Variants in CACNA1D observed in about 807,000 individuals in gnomAD.
CACNA1D encodes the protein calcium voltage-gated channel subunit alpha1 D.
Under a neutral mutation model 257.1 loss-of-function variants are expected in CACNA1D, and 55 were observed. The ratio of observed to expected loss-of-function variants is 0.21; its 90% CI spans 0.17 to 0.27. The LOEUF is 0.27. CACNA1D is among the 10% of genes least tolerant of loss of function. The probability of loss-of-function intolerance (pLI) is 1.00; values close to 1 mark genes in which losing one functional copy is unlikely to be tolerated. For missense variants in CACNA1D, 1,876 were observed against 2,784.0 expected, an observed-to-expected ratio of 0.67 and a Z score of 7.34; for synonymous variants, 980 against 1,014.9, an observed-to-expected ratio of 0.97 and a Z score of 0.65.
chr3:53,614,807 A>G (rs1576095531), intron 3 of CACNA1D, among the ~76,000 whole-genome samples: 1 of 152,174 alleles, frequency 6.6e-6, no homozygotes, highest in South Asian at 2.1e-4. Context: ...ACAAGTGAAG[A>G]AGTTATCACC....
chr3:53,699,707 T>A (rs542347043), intron 8 of CACNA1D, among the ~76,000 whole-genome samples: 2 of 152,364 alleles, frequency 1.3e-5, no homozygotes, highest in Non-Finnish European at 2.9e-5. Context: ...CTGCTAAATA[T>A]TCAGCCATTC....
At chr3:53,545,946 G>A (rs138740538) in intron 3 of CACNA1D, among the ~76,000 whole-genome samples, 85 of 152,294 alleles carry the variant, frequency 5.6e-4, no homozygotes, top group African/African-American at 1.4e-3. Flanking sequence ...ACAGAATCAC[G>A]GGAAAATAGG....
chr3:53,653,881 A>AG (rs35206791), intron 4 of CACNA1D, among the ~76,000 whole-genome samples: 135,257 of 152,166 alleles, frequency 0.89, 60,382 homozygotes, highest in East Asian at 1. Flanking sequence ...AGCCACATCA[A>AG]GCACATCATA....
intron 20 of CACNA1D, among the ~76,000 whole-genome samples, chr3:53,738,836 G>A (rs2095085453): frequency 6.6e-6 from 1 of 151,858 alleles, no homozygotes; most frequent in Admixed American, 6.6e-5. Flanking sequence ...CCTGGCGCCA[G>A]GTTGCCTTGT....
At chr3:53,649,281 C>T (rs1269487000) in intron 3 of CACNA1D, among the ~76,000 whole-genome samples, 1 of 152,198 alleles carries the variant, frequency 6.6e-6, no homozygotes, top group African/African-American at 2.4e-5. Flanking sequence ...AAAAATGTTT[C>T]TGAATATAAA....
intron 3 of CACNA1D, among the ~76,000 whole-genome samples, chr3:53,624,655 C>G (rs2093735934): frequency 6.6e-6 from 1 of 152,212 alleles, no homozygotes; most frequent in African/African-American, 2.4e-5. Flanking sequence ...TGCTGTATCC[C>G]AAGAAGCCCT....
chr3:53,586,465 G>A (rs889898635), intron 3 of CACNA1D, among the ~76,000 whole-genome samples: 9 of 151,652 alleles, frequency 5.9e-5, no homozygotes, highest in African/African-American at 1.9e-4. Flanking sequence ...GCACCCTACA[G>A]TGTCTGCAGT....
intron 35 of CACNA1D, 130 bp downstream of exon 35, chr3:53,776,175 T>G (rs2095395941): frequency 1.1e-6 from 1 of 872,008 alleles, no homozygotes; most frequent in African/African-American, 1.6e-5. Context: ...TGGACTCCAC[T>G]TGGCAGTTGA....
intron 3 of CACNA1D, among the ~76,000 whole-genome samples, chr3:53,642,401 C>T (rs774917468): frequency 1.3e-5 from 2 of 152,216 alleles, no homozygotes; most frequent in Non-Finnish European, 2.9e-5. Flanking sequence ...TGCCTATCCC[C>T]GAACCAATAA....
At chr3:53,687,209 A>T (rs569765191) in intron 8 of CACNA1D, among the ~76,000 whole-genome samples, 1 of 152,072 alleles carries the variant, frequency 6.6e-6, no homozygotes, top group East Asian at 1.9e-4. Flanking sequence ...ATTTTTCTCT[A>T]TGCATTGAAT....
At chr3:53,527,054 T>C (rs2107408275) in intron 3 of CACNA1D, among the ~76,000 whole-genome samples, 1 of 152,374 alleles carries the variant, frequency 6.6e-6, no homozygotes. Flanking sequence ...TCACAGAATG[T>C]ATAGTACTTC....
chr3:53,635,799 C>T (rs994611698), intron 3 of CACNA1D, among the ~76,000 whole-genome samples: 1 of 152,212 alleles, frequency 6.6e-6, no homozygotes, highest in African/African-American at 2.4e-5. Flanking sequence ...CCTGGTTCCA[C>T]CCATTCTCCT....
In CACNA1D at chr3:53,801,087, C is replaced by T. The variant is rs1370013708; in HGVS notation, c.5070C>T (p.Val1690=). 6.2e-7 allele frequency: 1 copy of T among 1,613,732 alleles called. No homozygotes were observed. The highest frequency in any genetic ancestry group is 8.5e-7 in the Non-Finnish European group (1 of 1,179,764). ...ATGGTGCCCTGCTTGGAAACCATGT[C>T]AATCATGTTAATAGTGATAGGAGAG... ...KRNGALLGNH[V]NHVNSDRRDS... is the part of the protein sequence containing the mutation. The change falls in exon 42 of 48, where the codon GTC becomes GTT. Residue 1690 remains valine (V), a synonymous_variant. Coordinates refer to ENST00000350061, the MANE Select transcript of CACNA1D (RefSeq NM_001128840.3).
rs188924994 is a variant in CACNA1D at position 53,800,597 on chromosome 3, C to T, written c.5040+232C>T. 6.1e-5 allele frequency: 36 copies of T among 593,308 alleles called. No homozygotes were observed. Among genetic ancestry groups the T allele is most frequent in the Admixed American group, 1.4e-4 (6 of 42,616 alleles). 36.8% of individuals were successfully genotyped at this position (593,308 alleles called of 1,614,324 possible). On this transcript the variant is annotated intron_variant, in intron 41 of 47. Transcript: ENST00000350061. This position sits in a 1 kb window ranked among gnomAD's most constrained non-coding sequence, Gnocchi z 4.3. ...GAGCTTACCCAGCTTCCCCTCACTGCCTGCTTCTGAGGAGCTCGGCCACAG... is the reference window on the plus strand; with the variant it reads ...GAGCTTACCCAGCTTCCCCTCACTGTCTGCTTCTGAGGAGCTCGGCCACAG...
At chr3:53,548,621 G>C (rs762051598) in intron 3 of CACNA1D, among the ~76,000 whole-genome samples, 1 of 151,946 alleles carries the variant, frequency 6.6e-6, no homozygotes, top group African/African-American at 2.4e-5. Flanking sequence ...GTCCCATCTG[G>C]ATCCCCCAAA....
chr3:53,748,836 C>T (rs917046686), intron 26 of CACNA1D, among the ~76,000 whole-genome samples: 2 of 152,112 alleles, frequency 1.3e-5, no homozygotes, highest in Non-Finnish European at 2.9e-5. Context: ...TTAAGAGTTC[C>T]GCTAGGCATA....
At position 53,648,306 on chromosome 3, in the gene CACNA1D, A is replaced by G. The variant is rs79441805; in HGVS notation, c.484-2473A>G. Reference sequence around the variant, plus strand: ...CCCTTAGAACTCTTAAGTCTCAAACATATTGACAATCTGCCTTTGGTGGTC... The same window carrying G: ...CCCTTAGAACTCTTAAGTCTCAAACGTATTGACAATCTGCCTTTGGTGGTC... On this transcript the variant is annotated intron_variant, in intron 3 of 47. Coordinates refer to ENST00000350061, the MANE Select transcript of CACNA1D (RefSeq NM_001128840.3). Among the ~76,000 whole-genome samples the G allele has an allele frequency of 4.5e-3, 679 of 152,308 alleles. 5 individuals carry two copies. The highest frequency in any genetic ancestry group is 0.015 in the African/African-American group (624 of 41,556).
intron 3 of CACNA1D, among the ~76,000 whole-genome samples, chr3:53,532,888 G>C (rs1221895590): frequency 6.6e-6 from 1 of 152,186 alleles, no homozygotes; most frequent in Non-Finnish European, 1.5e-5. Flanking sequence ...TGGCAGCAGA[G>C]GTGCTGGTGC....
At chr3:53,682,870 A>G (rs1484910521) in intron 8 of CACNA1D, among the ~76,000 whole-genome samples, 1 of 152,242 alleles carries the variant, frequency 6.6e-6, no homozygotes, top group African/African-American at 2.4e-5. Context: ...GGCAAAAAAT[A>G]GGAAGCAACT....
Sources: gnomAD v4.1 joint callset for allele counts (sites outside exome capture counted in the v4.1 genomes callset) on GRCh38, gnomAD v4.1.1 for gene constraint, Gnocchi (gnomAD v3.1) non-coding constraint, MANE v1.5 for transcripts, NCBI Gene and HGNC (gene_info 2026-07-23, HGNC 2026-07-21) for gene names.